Variants in TPTE2 observed in about 807,000 individuals in gnomAD.
The protein encoded by TPTE2 is transmembrane phosphoinositide 3-phosphatase and tensin homolog 2.
Under a neutral mutation model 78.6 loss-of-function variants are expected in TPTE2, and 53 were observed. That is an observed-to-expected ratio of 0.67 (90% CI 0.54 to 0.85). The LOEUF is 0.85. Ranked by LOEUF, TPTE2 falls within the 40% of genes least tolerant of loss-of-function variation. The pLI is 0.00. For missense variants in TPTE2, 461 were observed against 623.0 expected (o/e 0.74, Z 2.77); for synonymous variants, 175 against 206.2 (o/e 0.85, Z 1.30).
chr13:19,456,625 C>A (rs761737902), intron 10 of TPTE2, among the ~76,000 whole-genome samples: 9 of 152,102 alleles, frequency 5.9e-5, no homozygotes, highest in Non-Finnish European at 1.2e-4. Context: ...CTGTACACTG[C>A]AAACATTGCT....
chr13:19,478,314 G>GA (rs1176621162), intron 4 of TPTE2, among the ~76,000 whole-genome samples: 1 of 151,764 alleles, frequency 6.6e-6, no homozygotes, highest in Admixed American at 6.6e-5. Flanking sequence ...AAATTTACAA[G>GA]AAAAAAACAA....
At chr13:19,467,835 C>CTACCAT in intron 6 of TPTE2, among the ~76,000 whole-genome samples, 1 of 130,958 alleles carries the variant, frequency 7.6e-6, no homozygotes, top group Non-Finnish European at 1.6e-5. Context: ...CAAGCCCCTA[C>CTACCAT]TACCATTCCC....
intron 1 of TPTE2, among the ~76,000 whole-genome samples, chr13:19,496,391 A>C (rs1482993900): frequency 6.6e-6 from 1 of 152,090 alleles, no homozygotes; most frequent in Non-Finnish European, 1.5e-5. Flanking sequence ...ATTTCTTTTA[A>C]ATTCAACTCT....
intron 1 of TPTE2, among the ~76,000 whole-genome samples, chr13:19,533,071 A>G (rs2137750243): frequency 6.6e-6 from 1 of 152,360 alleles, no homozygotes; most frequent in South Asian, 2.1e-4. Context: ...TTATATGTGA[A>G]AACACTATAT....
At position 19,482,563 on chromosome 13, in the gene TPTE2, A is replaced by C. The variant is rs764414637; in HGVS notation, c.120-16T>G. ...TTCTAACATACTTTAGCCACCAAAA[A>C]AAAATGCAAAAATATATCATTAGAT... On this transcript the variant is annotated splice_polypyrimidine_tract_variant and intron_variant, in intron 3 of 19. Coordinates refer to ENST00000400230, the Ensembl canonical transcript of TPTE2. The C allele has an allele frequency of 4.3e-5, 70 of 1,610,124 alleles. No homozygotes were observed. Among genetic ancestry groups the C allele is most frequent in the Non-Finnish European group, 5.9e-5 (70 of 1,178,690 alleles).
intron 7 of TPTE2, among the ~76,000 whole-genome samples, chr13:19,466,610 T>G (rs1240668026): frequency 6.6e-6 from 1 of 152,222 alleles, no homozygotes; most frequent in African/African-American, 2.4e-5. Flanking sequence ...AAGCTTTCTT[T>G]GTTTCTACCA....
upstream of TPTE2, among the ~76,000 whole-genome samples, chr13:19,540,987 G>A (rs1282951898): frequency 2.0e-5 from 3 of 152,150 alleles, no homozygotes; most frequent in Non-Finnish European, 4.4e-5. Flanking sequence ...CTCCTGCTCA[G>A]GGTCTCACAA....
chr13:19,480,467 G>A (rs1020716591), intron 4 of TPTE2, among the ~76,000 whole-genome samples: 16 of 152,226 alleles, frequency 1.1e-4, no homozygotes, highest in African/African-American at 3.9e-4. Context: ...TTAAAATCTT[G>A]GGGTAAGAAG....
chr13:19,507,570 G>A (rs547082374), upstream of TPTE2, among the ~76,000 whole-genome samples: 1 of 152,320 alleles, frequency 6.6e-6, no homozygotes, highest in South Asian at 2.1e-4. Context: ...AGGAGCTTCA[G>A]GGTGATATAG....
chr13:19,533,081 T>G (rs1160438105), intron 1 of TPTE2, among the ~76,000 whole-genome samples: 1 of 152,240 alleles, frequency 6.6e-6, no homozygotes, highest in Non-Finnish European at 1.5e-5. Context: ...AAACACTATA[T>G]ATGCAAAGTA....
chr13:19,478,637 T>C (rs985312253), intron 4 of TPTE2, among the ~76,000 whole-genome samples: 2 of 152,216 alleles, frequency 1.3e-5, no homozygotes, highest in African/African-American at 4.8e-5. Flanking sequence ...AAATACCATT[T>C]GACCCAGCCA....
chr13:19,511,861 A>T (rs920332248), intron 1 of TPTE2, among the ~76,000 whole-genome samples: 1 of 139,816 alleles, frequency 7.2e-6, no homozygotes, highest in African/African-American at 2.7e-5. Context: ...ACTTTTTTTA[A>T]AAAAAAAATC....
chr13:19,557,567 T>C, the TPTE2 span, among the ~76,000 whole-genome samples: 1 of 152,296 alleles, frequency 6.6e-6, no homozygotes, highest in East Asian at 1.9e-4. Context: ...GAATGTCCAG[T>C]ATGTAAGTCC....
chr13:19,548,995 C>G, the TPTE2 span, among the ~76,000 whole-genome samples: 1 of 151,916 alleles, frequency 6.6e-6, no homozygotes, highest in Non-Finnish European at 1.5e-5. Flanking sequence ...GTGGCGGGCC[C>G]CTGTATCCCA....
intron 10 of TPTE2, among the ~76,000 whole-genome samples, chr13:19,451,843 G>A (rs4539428): frequency 0.31 from 44,801 of 146,568 alleles, 8,766 homozygotes; most frequent in African/African-American, 0.56. Flanking sequence ...GTGTGTGTGT[G>A]TATATATGTA....
chr13:19,559,357 G>C, the TPTE2 span, among the ~76,000 whole-genome samples: 1 of 152,182 alleles, frequency 6.6e-6, no homozygotes, highest in East Asian at 1.9e-4. Context: ...CTGGGCCCTG[G>C]CTTGCCCCAT....
chr13:19,490,045 T>C (rs2137632971), intron 3 of TPTE2, among the ~76,000 whole-genome samples: 1 of 152,316 alleles, frequency 6.6e-6, no homozygotes, highest in Non-Finnish European at 1.5e-5. Context: ...TGGAATCTAC[T>C]ATTAATATAT....
chr13:19,547,726 T>TATATATATA, the TPTE2 span, among the ~76,000 whole-genome samples: 1,006 of 144,478 alleles, frequency 7.0e-3, 14 homozygotes, highest in African/African-American at 0.024. Flanking sequence ...TATACATATA[T>TATATATATA]ATATATATAT....
chr13:19,530,702 T>C (rs1870814977), intron 1 of TPTE2, among the ~76,000 whole-genome samples: 1 of 151,920 alleles, frequency 6.6e-6, no homozygotes, highest in Non-Finnish European at 1.5e-5. Flanking sequence ...ACACCATTTG[T>C]TTTTAAGAGA....
Sources: gnomAD v4.1 joint callset for allele counts (sites outside exome capture counted in the v4.1 genomes callset) on GRCh38, gnomAD v4.1.1 for gene constraint, MANE v1.5 for transcripts, NCBI Gene and HGNC (gene_info 2026-07-23, HGNC 2026-07-21) for gene names.